Variants in SNX25 observed in about 807,000 individuals in gnomAD.
The protein encoded by SNX25 is sorting nexin 25.
SNX25 carries 62 observed loss-of-function variants against 113.7 expected under a neutral mutation model. The observed-to-expected ratio is 0.55, with a 90% CI of 0.44 to 0.67. SNX25 has a LOEUF of 0.67. Ranked by LOEUF, SNX25 falls within the 30% of genes least tolerant of loss-of-function variation. The pLI is 0.00. For missense variants in SNX25, 1,014 were observed against 1,161.0 expected (o/e 0.87, Z 1.84); for synonymous variants, 421 against 436.2 (o/e 0.97, Z 0.43).
At chr4:185,208,811 T>G (rs1226945907), upstream of SNX25, among the ~76,000 whole-genome samples, 3 of 152,382 alleles carry the variant, frequency 2.0e-5, no homozygotes, top group East Asian at 5.8e-4. Context: ...TCTGCTTCTT[T>G]ATTAGTCTTA....
intron 9 of SNX25, among the ~76,000 whole-genome samples, chr4:185,328,166 A>G (rs2095169700): frequency 6.6e-6 from 1 of 150,990 alleles, no homozygotes; most frequent in Non-Finnish European, 1.5e-5. Flanking sequence ...TAGTTATAAG[A>G]TTTTTTTTTT....
intron 6 of SNX25, among the ~76,000 whole-genome samples, chr4:185,306,933 C>T (rs1239860166): frequency 6.6e-6 from 1 of 152,124 alleles, no homozygotes; most frequent in East Asian, 1.9e-4. Context: ...GTTCTTTAGG[C>T]AGGTCCTGAC....
chr4:185,247,283 T>C lies in SNX25; in HGVS notation c.430-11T>C. ...AGTAATCTGCTTTGTATTTTTTTCC[T>C]TTCATTTCAGAGTCCTGTGTATGGA... On this transcript the variant is annotated splice_polypyrimidine_tract_variant and intron_variant, in intron 1 of 18. Transcript: ENST00000652585. The C allele has an allele frequency of 1.9e-6, 3 of 1,571,666 alleles. No individual in the cohort carries two copies. Among genetic ancestry groups the C allele is most frequent in the South Asian group, 2.4e-5 (2 of 84,254 alleles).
At chr4:185,235,216 A>G (rs1579397823) in intron 1 of SNX25, among the ~76,000 whole-genome samples, 1 of 152,256 alleles carries the variant, frequency 6.6e-6, no homozygotes. Context: ...ACTTTGATAC[A>G]TGGTGTAATA....
In SNX25 at chr4:185,210,771, C is replaced by T. The variant is rs912792509; in HGVS notation, c.429+516C>T. 6.6e-6 allele frequency among the ~76,000 whole-genome samples: 1 copy of T among 152,086 alleles called. No homozygotes were observed. The highest frequency in any genetic ancestry group is 1.5e-5 in the Non-Finnish European group (1 of 68,028). On this transcript the variant is annotated intron_variant, in intron 1 of 18. Transcript: ENST00000652585. This position sits in a 1 kb window ranked among gnomAD's most constrained non-coding sequence, Gnocchi z 4.4. The stretch of plus-strand genomic sequence containing the variant: ...CCTTCCCACCACCCTATCCTGCCTT[C>T]CACCATGCGGATACGTATTATAGTT...
intron 11 of SNX25, among the ~76,000 whole-genome samples, chr4:185,340,944 G>A (rs1425163572): frequency 6.6e-6 from 1 of 152,136 alleles, no homozygotes; most frequent in Non-Finnish European, 1.5e-5. Flanking sequence ...TGTGCTAGCT[G>A]ACTCATCAGA....
chr4:185,310,378 G>A (rs1319728973), intron 6 of SNX25, among the ~76,000 whole-genome samples: 1 of 152,126 alleles, frequency 6.6e-6, no homozygotes, highest in Admixed American at 6.5e-5. Context: ...GAGTGCATTT[G>A]TACAGAGGTT....
In SNX25 at chr4:185,320,749, A is replaced by G. The variant is rs1275408500; in HGVS notation, c.1361A>G (p.Asp454Gly). 1.9e-6 allele frequency: 3 copies of G among 1,543,160 alleles called. No individual in the cohort carries two copies. The highest frequency in any genetic ancestry group is 1.3e-5 in the South Asian group (1 of 78,442). Residue 454 changes from aspartate (D) to glycine (G), a missense_variant, in exon 8 of 19, where the codon GAT (aspartate) becomes GGT (glycine). Transcript: ENST00000652585. ...PQSQKILQFEDILANTFYREH... is the reference protein window; with the variant it reads ...PQSQKILQFEGILANTFYREH... ...TCTTAATAGATTCTTCAGTTTGAAG[A>G]TATCTTGGCCAATACGTTCTACCGA...
chr4:185,353,289 C>G (rs944633142), intron 14 of SNX25, 196 bp from the exon 15 acceptor site: 4 of 476,634 alleles, frequency 8.4e-6, no homozygotes, highest in African/African-American at 7.7e-5. Context: ...TTATTTTAAG[C>G]CTTGAATAAG....
At chr4:185,371,460 T>C (rs895811730), downstream of SNX25, among the ~76,000 whole-genome samples, 2 of 144,700 alleles carry the variant, frequency 1.4e-5, no homozygotes, top group African/African-American at 2.6e-5. Context: ...GAGAATGGCG[T>C]GAACCCGGAA....
rs3822302 is a variant in SNX25 at position 185,351,619 on chromosome 4, T to A, written c.2466+10T>A. 1.2e-6 allele frequency: 2 copies of A among 1,612,056 alleles called. No homozygotes were observed. The highest frequency in any genetic ancestry group is 2.7e-5 in the African/African-American group (2 of 74,822). ...CTTCTCCCACCAGGAGGTGAGCCGTTGAAAGAGTGAACCACTTTTGTAGTG... is the reference window on the plus strand; with the variant it reads ...CTTCTCCCACCAGGAGGTGAGCCGTAGAAAGAGTGAACCACTTTTGTAGTG... On this transcript the variant is annotated intron_variant, in intron 14 of 18. Coordinates refer to ENST00000652585, the MANE Select transcript of SNX25 (RefSeq NM_001378034.2).
chr4:185,239,915 C>T lies in SNX25; in HGVS notation c.430-7379C>T, dbSNP rs539477776. ...TTTCCTAGGCAGAGGACCCTGCGGC[C>T]TTCCGCAGTGTTTGTGTCCCTGGGT... On this transcript the variant is annotated intron_variant, in intron 1 of 18. Coordinates refer to ENST00000652585, the MANE Select transcript of SNX25 (RefSeq NM_001378034.2). Among the ~76,000 whole-genome samples the T allele has an allele frequency of 9.7e-3, 1,447 of 149,750 alleles. 24 individuals carry two copies. Among genetic ancestry groups the T allele is most frequent in the African/African-American group, 0.034 (1,375 of 40,916 alleles).
intron 6 of SNX25, among the ~76,000 whole-genome samples, chr4:185,291,523 G>T (rs1752168193): frequency 6.6e-6 from 1 of 152,176 alleles, no homozygotes; most frequent in African/African-American, 2.4e-5. Flanking sequence ...AAACTGTCTG[G>T]CACAAACAAC....
At chr4:185,277,416 AGAG>A (rs781231366) in intron 5 of SNX25, among the ~76,000 whole-genome samples, 45 of 152,196 alleles carry the variant, frequency 3.0e-4, no homozygotes, top group Non-Finnish European at 5.4e-4. Context: ...ACGGTGGAGA[AGAG>A]TGGTAGAAGA....
At chr4:185,243,827 GTAAC>G (rs1744440735) in intron 1 of SNX25, among the ~76,000 whole-genome samples, 1 of 152,038 alleles carries the variant, frequency 6.6e-6, no homozygotes, top group African/African-American at 2.4e-5. Flanking sequence ...TAGTAGATCT[GTAAC>G]TAGGAAGATA....
intron 5 of SNX25, among the ~76,000 whole-genome samples, chr4:185,285,940 T>TTTTTTTTTTTTAA (rs60052826): frequency 1.7e-5 from 1 of 58,042 alleles, no homozygotes; most frequent in African/African-American, 4.2e-5. Context: ...GCCCAGCTAA[T>TTTTTTTTTTTTAA]TTTTTTTTTT....
intron 6 of SNX25, among the ~76,000 whole-genome samples, chr4:185,299,932 A>T (rs1020531877): frequency 6.6e-6 from 1 of 152,208 alleles, no homozygotes; most frequent in African/African-American, 2.4e-5. Context: ...AATAGTACAC[A>T]CTTGGGAGTG....
At chr4:185,316,463 T>C (rs539070495) in intron 7 of SNX25, among the ~76,000 whole-genome samples, 52 of 152,344 alleles carry the variant, frequency 3.4e-4, no homozygotes, top group African/African-American at 1.2e-3. Flanking sequence ...GTTGCCTTCC[T>C]ATCTTGCTTT....
intron 1 of SNX25, among the ~76,000 whole-genome samples, chr4:185,224,674 TATAA>T (rs1280034732): frequency 6.8e-6 from 1 of 148,036 alleles, no homozygotes; most frequent in South Asian, 2.1e-4. Flanking sequence ...TATAAAAATA[TATAA>T]ATAATTATGA....
Sources: gnomAD v4.1 joint callset for allele counts (sites outside exome capture counted in the v4.1 genomes callset) on GRCh38, gnomAD v4.1.1 for gene constraint, Gnocchi (gnomAD v3.1) non-coding constraint, MANE v1.5 for transcripts, NCBI Gene and HGNC (gene_info 2026-07-23, HGNC 2026-07-21) for gene names.